SLC28A3: variants seen among roughly 807,000 people sequenced by gnomAD.
The protein encoded by SLC28A3 is concentrative Na(+)-nucleoside cotransporter 3.
In SLC28A3, 68 loss-of-function variants were observed where a neutral mutation model predicts 84.2. That is an observed-to-expected ratio of 0.81 (90% CI 0.66 to 0.99). The LOEUF (loss-of-function observed/expected upper bound fraction) is 0.99, where lower values mean the gene tolerates loss of function less well. Among genes scored for constraint, SLC28A3 ranks in the 50% least tolerant of loss-of-function variants. SLC28A3 has a pLI of 0.00. For synonymous variants in SLC28A3, 267 were observed against 303.6 expected (o/e 0.88, Z 1.25); for missense variants, 712 against 841.5 (o/e 0.85, Z 1.90).
chr9:84,297,571 A>G (rs1479614248), intron 7 of SLC28A3, among the ~76,000 whole-genome samples: 1 of 152,246 alleles, frequency 6.6e-6, no homozygotes, highest in Admixed American at 6.5e-5. Context: ...TGGGAGCCAT[A>G]CATGGCTTGT....
intron 1 of SLC28A3, among the ~76,000 whole-genome samples, chr9:84,335,492 A>T (rs530763088): frequency 1.3e-5 from 2 of 152,146 alleles, no homozygotes; most frequent in African/African-American, 4.8e-5. Context: ...AGGCTGCAAT[A>T]AGCTATGATT....
intron 1 of SLC28A3, among the ~76,000 whole-genome samples, chr9:84,332,071 A>T (rs552185038): frequency 6.6e-6 from 1 of 152,220 alleles, no homozygotes; most frequent in African/African-American, 2.4e-5. Context: ...CCTACCTTAC[A>T]CTATACATTA....
intron 4 of SLC28A3, among the ~76,000 whole-genome samples, 167 bp from the exon 5 acceptor site, chr9:84,302,556 G>A (rs78002154): frequency 0.013 from 2,035 of 152,224 alleles, 43 homozygotes; most frequent in African/African-American, 0.047. Context: ...GGGGTCTTTT[G>A]ATATTTTTCA....
rs768989134 is a variant in SLC28A3 at position 84,297,260 on chromosome 9, G to A, written c.822C>T (p.Val274=). The A allele has an allele frequency of 6.2e-7, 1 of 1,613,472 alleles. No individual in the cohort carries two copies. Among genetic ancestry groups the A allele is most frequent in the East Asian group, 2.2e-5 (1 of 44,878 alleles). Residue 274 remains valine, a synonymous_variant, in exon 8 of 18, where the codon GTC becomes GTT. Coordinates refer to ENST00000376238, the MANE Select transcript of SLC28A3 (RefSeq NM_001199633.2). ...AGTGGTCTTTGTATTTCTCACCAAA[G>A]ACAAATGAAGCACCAGCATCTGTGT... The part of the protein sequence containing the change: ...LEYTDAGASF[V]FGEKYKDHFF...
the SLC28A3 span, among the ~76,000 whole-genome samples, chr9:84,358,444 C>T: frequency 0.015 from 2,241 of 152,144 alleles, 51 homozygotes; most frequent in African/African-American, 0.051. Flanking sequence ...TTCCATGGTG[C>T]GGGCTGAAGG....
chr9:84,324,032 G>GC (rs1826467601), intron 1 of SLC28A3, among the ~76,000 whole-genome samples: 2 of 152,144 alleles, frequency 1.3e-5, no homozygotes, highest in African/African-American at 4.8e-5. Context: ...AAGACCTCAT[G>GC]CTTTGTAGGG....
intron 12 of SLC28A3, 94 bp from the exon 13 acceptor site, chr9:84,286,205 G>A (rs1824980811): frequency 1.6e-6 from 2 of 1,253,430 alleles, no homozygotes; most frequent in African/African-American, 1.5e-5. Flanking sequence ...GCTTAGATAA[G>A]AGACAAACTC....
At chr9:84,344,185 G>GT (rs762125676), upstream of SLC28A3, among the ~76,000 whole-genome samples, 28,395 of 117,960 alleles carry the variant, frequency 0.24, 4,444 homozygotes, top group African/African-American at 0.39. Flanking sequence ...CATCATATGG[G>GT]TTTTTTTTTT....
intron 3 of SLC28A3, 106 bp downstream of exon 3, chr9:84,309,523 C>CAAAAAA (rs71366931): frequency 2.3e-4 from 54 of 239,282 alleles, no homozygotes; most frequent in African/African-American, 2.1e-3. Context: ...ACTCTTATCT[C>CAAAAAA]AAAAAAAAAA....
At chr9:84,299,832 G>A in intron 5 of SLC28A3, 107 bp from the exon 6 acceptor site, 1 of 1,294,106 alleles carries the variant, frequency 7.7e-7, no homozygotes, top group South Asian at 1.6e-5. Context: ...TTGCTCTGTT[G>A]CCCAGGCTGG....
chr9:84,334,571 C>A (rs573344149), intron 1 of SLC28A3, among the ~76,000 whole-genome samples: 1 of 152,086 alleles, frequency 6.6e-6, no homozygotes, highest in African/African-American at 2.4e-5. Flanking sequence ...GACAGTTCGC[C>A]TTATAAGTTG....
chr9:84,360,484 T>C, the SLC28A3 span, among the ~76,000 whole-genome samples: 1 of 151,776 alleles, frequency 6.6e-6, no homozygotes. Flanking sequence ...GAGAAGATAA[T>C]TGGAATTAGA....
chr9:84,290,233 T>C lies in SLC28A3; in HGVS notation c.1070A>G (p.Lys357Arg), dbSNP rs768041296. Residue 357 changes from lysine to arginine, a missense_variant, in exon 11 of 18, where the codon AAG (lysine) becomes AGG (arginine). Lys to Arg is a conservative substitution (Grantham distance 26, BLOSUM62 2). Coordinates refer to ENST00000376238, the MANE Select transcript of SLC28A3 (RefSeq NM_001199633.2). ...LVRPYLPYIT[K>R]SELHAIMTAG... ...GGTCATGATGGCGTGGAGTTCAGAC[T>C]TGGTGATGTAAGGTAAATATGGTCG... The C allele has an allele frequency of 2.5e-6, 4 of 1,614,008 alleles. No individual in the cohort carries two copies. Among genetic ancestry groups the C allele is most frequent in the Admixed American group, 1.7e-5 (1 of 60,014 alleles).
At chr9:84,286,168 C>A in intron 12 of SLC28A3, 57 bp from the exon 13 acceptor site, 1 of 1,544,820 alleles carries the variant, frequency 6.5e-7, no homozygotes, top group Non-Finnish European at 8.9e-7. Flanking sequence ...GGATGGACAC[C>A]ATTGGTGCAG....
At chr9:84,356,570 G>A in the SLC28A3 span, among the ~76,000 whole-genome samples, 2 of 152,120 alleles carry the variant, frequency 1.3e-5, no homozygotes, top group African/African-American at 4.8e-5. Flanking sequence ...GGTGGCTCAC[G>A]CTCGTAATCC....
intron 3 of SLC28A3, among the ~76,000 whole-genome samples, chr9:84,308,654 C>G (rs1825882673): frequency 1.3e-5 from 2 of 152,082 alleles, no homozygotes; most frequent in Admixed American, 6.6e-5. Flanking sequence ...GAAAAATTTC[C>G]TCAGAGACAT....
intron 7 of SLC28A3, 27 bp downstream of exon 7, chr9:84,297,879 C>T: frequency 6.4e-7 from 1 of 1,567,784 alleles, no homozygotes; most frequent in South Asian, 1.2e-5. Flanking sequence ...ACCATAAAAG[C>T]AAAGTGTTCT....
At chr9:84,362,041 C>G in the SLC28A3 span, among the ~76,000 whole-genome samples, 4 of 152,146 alleles carry the variant, frequency 2.6e-5, no homozygotes, top group African/African-American at 7.2e-5. Context: ...ATTAAAAGAA[C>G]CAAATTGACT....
chr9:84,313,240 C>T lies in SLC28A3; in HGVS notation c.156+119G>A, dbSNP rs565281118. 4 of 756,788 alleles carry T rather than the reference C, an allele frequency of 5.3e-6. No individual in the cohort carries two copies. In the South Asian group the frequency reaches 8.0e-5, roughly 15 times the overall value. 46.9% of individuals were successfully genotyped at this position (756,788 alleles called of 1,614,324 possible). A position where few individuals can be genotyped will look rare whatever the true frequency, so the allele number is the denominator to read the frequency against. ...ATGCCCCCACACACTTTAATTACCA[C>T]TTAATCTGTTCCTCTGCGTGCCAGT... On this transcript the variant is annotated intron_variant, in intron 2 of 17. Coordinates refer to ENST00000376238, the MANE Select transcript of SLC28A3 (RefSeq NM_001199633.2).
Sources: gnomAD v4.1 joint callset for allele counts (sites outside exome capture counted in the v4.1 genomes callset) on GRCh38, gnomAD v4.1.1 for gene constraint, MANE v1.5 for transcripts, NCBI Gene and HGNC (gene_info 2026-07-23, HGNC 2026-07-21) for gene names.